The following SLC12A6 variants were observed in gnomAD, a reference collection of about 807,000 sequenced individuals.
The protein encoded by SLC12A6 is K-Cl cotransporter 3.
In SLC12A6, 66 loss-of-function variants were observed where a neutral mutation model predicts 135.3. That is an observed-to-expected ratio of 0.49 (90% confidence interval 0.40 to 0.60). The LOEUF is 0.60. Ranked by LOEUF, SLC12A6 falls within the 20% of genes least tolerant of loss-of-function variation. SLC12A6 has a pLI of 0.00. For missense variants in SLC12A6, 1,058 were observed against 1,452.3 expected, an observed-to-expected ratio of 0.73 and a Z score of 4.41; for synonymous variants, 513 against 508.8, an observed-to-expected ratio of 1.01 and a Z score of -0.11.
chr15:34,327,641 G>C (rs899460682), intron 2 of SLC12A6, among the ~76,000 whole-genome samples: 2 of 150,522 alleles, frequency 1.3e-5, no homozygotes, highest in African/African-American at 4.9e-5. Context: ...CTGGGCAATA[G>C]AGCAAGACTC....
At chr15:34,238,935 C>T (rs1222739083) in intron 20 of SLC12A6, 30 bp downstream of exon 20, 1 of 1,583,742 alleles carries the variant, frequency 6.3e-7, no homozygotes, top group Admixed American at 1.7e-5. Flanking sequence ...CGACTTGGGC[C>T]TTTAGGTTTG....
At chr15:34,293,911 T>C (rs1047993080) in intron 2 of SLC12A6, among the ~76,000 whole-genome samples, 5 of 152,218 alleles carry the variant, frequency 3.3e-5, no homozygotes, top group African/African-American at 4.8e-5. Context: ...CCAGGGCTGA[T>C]AGGTAATTTT....
chr15:34,256,355 G>T, intron 6 of SLC12A6, 72 bp from the exon 7 acceptor site: 1 of 1,050,740 alleles, frequency 9.5e-7, no homozygotes, highest in Non-Finnish European at 1.5e-6. Context: ...CTCCATTTGT[G>T]TTCCAAGAGC....
chr15:34,287,149 C>CG (rs1402989920), intron 2 of SLC12A6, among the ~76,000 whole-genome samples: 3 of 152,140 alleles, frequency 2.0e-5, no homozygotes, highest in Non-Finnish European at 4.4e-5. Flanking sequence ...CCTACCCCCC[C>CG]GGGCTCTGGT....
chr15:34,240,798 C>T lies in SLC12A6; in HGVS notation c.2299G>A (p.Glu767Lys), dbSNP rs758117257. ...PQLLVLLKLD[E>K]DLHVKHPRLL... ...CGAGGATGCTTGACATGTAAGTCTT[C>T]ATCTAGTTTCAGTAATACAAGCAAC... The change falls in exon 19 of 26, where the codon GAA (glutamate) becomes AAA (lysine). Residue 767 changes from glutamate to lysine, a missense_variant. This residue lies in a region of SLC12A6 where 170 missense variants were observed against 297.6 expected (regional missense o/e 0.57). Coordinates refer to ENST00000354181, the MANE Select transcript of SLC12A6 (RefSeq NM_001365088.1). 6.2e-7 allele frequency: 1 copy of T among 1,613,910 alleles called. No individual in the cohort carries two copies. Among genetic ancestry groups the T allele is most frequent in the Admixed American group, 1.7e-5 (1 of 59,968 alleles).
intron 16 of SLC12A6, 124 bp downstream of exon 16, chr15:34,243,850 G>C: frequency 1.4e-6 from 1 of 728,158 alleles, no homozygotes; most frequent in Non-Finnish European, 2.5e-6. Flanking sequence ...ATTGAAAGTT[G>C]AAACAGTATG....
chr15:34,261,144 T>C (rs1222923405), intron 3 of SLC12A6, 124 bp from the exon 4 acceptor site: 5 of 690,478 alleles, frequency 7.2e-6, no homozygotes, highest in Non-Finnish European at 1.1e-5. Context: ...AATTTAATCT[T>C]AGAACTCAAT....
intron 2 of SLC12A6, among the ~76,000 whole-genome samples, chr15:34,325,726 CT>C (rs1487765885): frequency 6.6e-6 from 1 of 152,108 alleles, no homozygotes; most frequent in African/African-American, 2.4e-5. Context: ...TCAGGAAAAT[CT>C]CATGCTTTAA....
At chr15:34,254,171 G>A (rs1168411836) in intron 9 of SLC12A6, among the ~76,000 whole-genome samples, 177 bp downstream of exon 9, 2 of 152,162 alleles carry the variant, frequency 1.3e-5, no homozygotes, top group African/African-American at 4.8e-5. Flanking sequence ...GAGGATGAAC[G>A]GGACATAGTT....
chr15:34,331,596 T>C (rs553808001), intron 2 of SLC12A6, among the ~76,000 whole-genome samples: 1 of 152,340 alleles, frequency 6.6e-6, no homozygotes, highest in African/African-American at 2.4e-5. Context: ...AATGTATATT[T>C]ATGGTGTACA....
chr15:34,331,416 C>A (rs112593490), intron 2 of SLC12A6, among the ~76,000 whole-genome samples: 16,196 of 152,294 alleles, frequency 0.11, 1,080 homozygotes, highest in South Asian at 0.19. Flanking sequence ...GCTGAGATTA[C>A]AGGCGTGAGC....
At chr15:34,238,638 G>A (rs1024390929) in intron 20 of SLC12A6, 1 of 600,996 alleles carries the variant, frequency 1.7e-6, no homozygotes, top group African/African-American at 1.9e-5. Context: ...TCTAAGGGGG[G>A]ATATGTGAAT....
intron 2 of SLC12A6, among the ~76,000 whole-genome samples, chr15:34,292,750 C>T (rs988147760): frequency 6.6e-5 from 10 of 152,206 alleles, no homozygotes; most frequent in South Asian, 2.1e-4. Flanking sequence ...CAAGCTCCCA[C>T]GTCCCAGGTC....
intron 3 of SLC12A6, among the ~76,000 whole-genome samples, chr15:34,265,401 T>TAAAAAAAAAAAA (rs1566824739): frequency 1.0e-5 from 1 of 96,378 alleles, no homozygotes; most frequent in African/African-American, 6.2e-5. Context: ...ACAACAGCAA[T>TAAAAAAAAAAAA]TAAAAAAAAA....
intron 2 of SLC12A6, among the ~76,000 whole-genome samples, chr15:34,324,446 C>T (rs1889329198): frequency 6.6e-6 from 1 of 152,074 alleles, no homozygotes; most frequent in Non-Finnish European, 1.5e-5. Flanking sequence ...TTCAGTAAAA[C>T]ACATTATTTG....
intron 2 of SLC12A6, among the ~76,000 whole-genome samples, chr15:34,308,771 G>A (rs1035563853): frequency 2.0e-5 from 3 of 151,878 alleles, no homozygotes; most frequent in Admixed American, 6.6e-5. Flanking sequence ...AAAACAAAAC[G>A]GTAGAAGAAG....
Position 34,245,321 on chromosome 15 carries a change from A to G in SLC12A6, c.1907T>C (p.Ile636Thr), listed in dbSNP as rs1347400526. The change falls in exon 15 of 26, where the codon ATT (isoleucine) becomes ACT (threonine). Residue 636 changes from isoleucine to threonine, a missense_variant. Ile to Thr is a moderately conservative substitution (Grantham distance 89, BLOSUM62 -1). Around this residue, in one of 6 missense-constraint regions of SLC12A6, gnomAD observed 170 missense variants for 297.6 expected, o/e 0.57. Transcript: ENST00000354181. The stretch of plus-strand genomic sequence containing the variant: ...TGGGGCCACAAGATCCAGGGAGGCA[A>G]TGAGTATTCCAAGCTCTGCAATGGC... ...TAAIAELGIL[I>T]ASLDLVAPIL... 1 of 1,610,780 alleles carries G rather than the reference A, an allele frequency of 6.2e-7. No individual in the cohort carries two copies.
chr15:34,246,962 G>T (rs1347351856), intron 13 of SLC12A6, among the ~76,000 whole-genome samples: 1 of 152,132 alleles, frequency 6.6e-6, no homozygotes, highest in East Asian at 1.9e-4. Context: ...AGTTATGGCA[G>T]ATTCTTAAGA....
intron 6 of SLC12A6, among the ~76,000 whole-genome samples, chr15:34,256,618 T>A (rs1372773818): frequency 1.3e-5 from 2 of 152,116 alleles, no homozygotes; most frequent in Non-Finnish European, 2.9e-5. Context: ...AGAAAATAGG[T>A]TAGAACCTGA....
Sources: allele counts gnomAD v4.1 joint callset (sites outside exome capture counted in the v4.1 genomes callset), GRCh38; gene constraint gnomAD v4.1.1; regional missense constraint gnomAD v4.1.1; transcripts MANE v1.5; gene names NCBI Gene and HGNC (gene_info 2026-07-23, HGNC 2026-07-21).